Variants in GFRA2 observed in about 807,000 individuals in gnomAD.
The protein encoded by GFRA2 is GDNF family receptor alpha-2.
In GFRA2, 17 loss-of-function variants were observed where a neutral mutation model predicts 48.3. The ratio of observed to expected loss-of-function variants is 0.35; its 90% confidence interval spans 0.24 to 0.53. GFRA2 has a LOEUF of 0.53. Among genes scored for constraint, GFRA2 ranks in the 20% least tolerant of loss-of-function variants. The pLI is 0.93. For synonymous variants in GFRA2, 305 were observed against 257.2 expected (o/e 1.19, Z -1.78); for missense variants, 660 against 637.3 (o/e 1.04, Z -0.38).
intron 2 of GFRA2, among the ~76,000 whole-genome samples, chr8:21,795,415 C>T (rs1807653276): frequency 6.7e-6 from 1 of 148,956 alleles, no homozygotes; most frequent in Non-Finnish European, 1.5e-5. Flanking sequence ...TTATTTGAGA[C>T]AGAGTCTCAG....
At chr8:21,728,921 AGTTCT>A (rs1804033955) in intron 4 of GFRA2, among the ~76,000 whole-genome samples, 1 of 152,228 alleles carries the variant, frequency 6.6e-6, no homozygotes, top group Non-Finnish European at 1.5e-5. Flanking sequence ...TGGAGGGGGT[AGTTCT>A]CCTCTGCAGC....
At chr8:21,790,999 T>C (rs748812872), upstream of GFRA2, among the ~76,000 whole-genome samples, 38 of 152,082 alleles carry the variant, frequency 2.5e-4, no homozygotes, top group Non-Finnish European at 4.7e-4. Flanking sequence ...CTTCTGGTTG[T>C]CCAAATACTC....
intron 4 of GFRA2, among the ~76,000 whole-genome samples, chr8:21,744,624 G>A (rs1458121677): frequency 6.6e-6 from 1 of 151,506 alleles, no homozygotes; most frequent in Non-Finnish European, 1.5e-5. Context: ...TAAGCTGAGA[G>A]GGTAAAAACC....
intron 4 of GFRA2, among the ~76,000 whole-genome samples, chr8:21,727,707 C>T (rs1803946772): frequency 6.6e-6 from 1 of 152,192 alleles, no homozygotes; most frequent in Admixed American, 6.5e-5. Flanking sequence ...AGACGGCAGC[C>T]TCCCCGCTGG....
chr8:21,801,483 A>T (rs1410475491), intron 2 of GFRA2, among the ~76,000 whole-genome samples: 1 of 152,150 alleles, frequency 6.6e-6, no homozygotes, highest in Non-Finnish European at 1.5e-5. Flanking sequence ...TGGGCCCAGA[A>T]AATTCATGCA....
At chr8:21,748,838 C>T (rs571304369) in intron 4 of GFRA2, among the ~76,000 whole-genome samples, 5 of 152,316 alleles carry the variant, frequency 3.3e-5, no homozygotes, top group South Asian at 2.1e-4. Context: ...CCTCCCATCA[C>T]GGCCCACTCT....
Position 21,782,844 on chromosome 8 carries a change from G to T in GFRA2, c.96C>A (p.His32Gln), listed in dbSNP as rs1005334188. The stretch of plus-strand genomic sequence containing the variant: ...CACAGTCCACTGGGGGGCGCCAGCC[G>T]TGGAGCTCGGGGCCCTGCAGGGAGG... ...SPSSLQGPEL[H>Q]GWRPPVDCVR... The change falls in exon 2 of 9, where the codon CAC becomes CAA. Residue 32 changes from histidine (H) to glutamine (Q), a missense_variant. Transcript: ENST00000524240. 2 of 1,569,886 alleles carry T rather than the reference G, an allele frequency of 1.3e-6. No homozygotes were observed. The highest frequency in any genetic ancestry group is 1.7e-6 in the Non-Finnish European group (2 of 1,164,714).
chr8:21,788,127 G>A lies in GFRA2; in HGVS notation c.33C>T (p.Phe11=). The A allele has an allele frequency of 2.0e-6, 3 of 1,528,528 alleles. No homozygotes were observed. Among genetic ancestry groups the A allele is most frequent in the Non-Finnish European group, 2.7e-6 (3 of 1,128,330 alleles). The allele number at this position is 1,528,528 out of a possible 1,614,324, so 94.7% of individuals were successfully genotyped here. Reference sequence around the variant, plus strand: ...CCGCCCGCAGGTACTCACCTAGAAAGAAGAAGAGGCAGAAGACGTTTGCCA... The same window carrying A: ...CCGCCCGCAGGTACTCACCTAGAAAAAAGAAGAGGCAGAAGACGTTTGCCA... MILANVFCLF[F]FLDETLRSLA... Residue 11 remains phenylalanine (F), a synonymous_variant, in exon 1 of 9, where the codon TTC becomes TTT. Transcript: ENST00000524240.
Position 21,691,015 on chromosome 8 carries a change from G to C in GFRA2, c.*2263C>G, listed in dbSNP as rs1467422391. ...ACTGTACCCCTTCCATGCAGAGGCTGGAAGGCAATACACCACAGTGATAAA... is the reference window on the plus strand; with the variant it reads ...ACTGTACCCCTTCCATGCAGAGGCTCGAAGGCAATACACCACAGTGATAAA... On this transcript the variant is annotated 3_prime_UTR_variant, in exon 9 of 9. Transcript: ENST00000524240. 6.6e-6 allele frequency: 1 copy of C among 152,190 alleles called. No individual in the cohort carries two copies. Among genetic ancestry groups the C allele is most frequent in the African/African-American group, 2.4e-5 (1 of 41,432 alleles). The allele number at this position is 152,190 out of a possible 1,614,324, so 9.4% of individuals were successfully genotyped here. A position where few individuals can be genotyped will look rare whatever the true frequency, so the allele number is the denominator to read the frequency against.
At chr8:21,754,834 G>T (rs562990287) in intron 3 of GFRA2, among the ~76,000 whole-genome samples, 2 of 152,242 alleles carry the variant, frequency 1.3e-5, no homozygotes, top group Non-Finnish European at 2.9e-5. Flanking sequence ...AAGGCAGAAA[G>T]AGAAAAGTGC....
In GFRA2 at chr8:21,698,307, G is replaced by A. The variant is rs545741635; in HGVS notation, c.1219-3790C>T. ...CATCAAAGAACTGGCCCTTGCAGAT[G>A]GCACTGGGGGAAGGACGCAGAAAGA... On this transcript the variant is annotated intron_variant, in intron 7 of 8. Transcript: ENST00000524240. Among the ~76,000 whole-genome samples the A allele has an allele frequency of 2.6e-5, 4 of 152,216 alleles. No homozygotes were observed. The East Asian group carries it at 7.7e-4, about 29-fold the overall frequency.
At chr8:21,694,071 T>TATATATATATATA (rs1563209393) in intron 8 of GFRA2, among the ~76,000 whole-genome samples, 33 of 71,072 alleles carry the variant, frequency 4.6e-4, no homozygotes, top group African/African-American at 1.7e-3. Flanking sequence ...ATATATTTAT[T>TATATATATATATA]TATTTTTATA....
intron 3 of GFRA2, among the ~76,000 whole-genome samples, chr8:21,758,093 G>A (rs918872926): frequency 5.3e-5 from 8 of 151,834 alleles, no homozygotes; most frequent in Non-Finnish European, 7.4e-5. Flanking sequence ...GGAGCTCTGC[G>A]GCTGGCACCT....
chr8:21,797,201 T>C (rs947265207), intron 2 of GFRA2, among the ~76,000 whole-genome samples: 1 of 151,976 alleles, frequency 6.6e-6, no homozygotes, highest in Non-Finnish European at 1.5e-5. Flanking sequence ...AGTGACAGGA[T>C]CTTGTTTGAC....
At chr8:21,708,183 C>T (rs1166634058) in intron 4 of GFRA2, among the ~76,000 whole-genome samples, 2 of 152,242 alleles carry the variant, frequency 1.3e-5, no homozygotes, top group Non-Finnish European at 2.9e-5. Context: ...CAATGTCTTC[C>T]ACAGGAAACG....
chr8:21,704,649 T>C (rs1211921572), intron 6 of GFRA2, among the ~76,000 whole-genome samples: 1 of 152,062 alleles, frequency 6.6e-6, no homozygotes, highest in Non-Finnish European at 1.5e-5. Flanking sequence ...GGAAATAAAC[T>C]CGTTAAAGGG....
chr8:21,788,177 G>A lies in GFRA2; in HGVS notation c.-18C>T. 1 of 1,593,614 alleles carries A rather than the reference G, an allele frequency of 6.3e-7. No homozygotes were observed. The highest frequency in any genetic ancestry group is 1.4e-5 in the African/African-American group (1 of 73,672). Reference sequence around the variant, plus strand: ...AAGATCATGTTAAATAAATCCCACCGTTTTTTTGTCTTTCTCCCTTGGGTA... The same window carrying A: ...AAGATCATGTTAAATAAATCCCACCATTTTTTTGTCTTTCTCCCTTGGGTA... On this transcript the variant is annotated 5_prime_UTR_variant, in exon 1 of 9. In the 5' UTR this introduces an upstream ATG that the reference lacks. Coordinates refer to ENST00000524240, the MANE Select transcript of GFRA2 (RefSeq NM_001495.5).
At chr8:21,731,338 G>A (rs1460223915) in intron 4 of GFRA2, among the ~76,000 whole-genome samples, 1 of 152,158 alleles carries the variant, frequency 6.6e-6, no homozygotes, top group African/African-American at 2.4e-5. Context: ...AGCTGAGAAC[G>A]ATGAGGATGT....
intron 4 of GFRA2, among the ~76,000 whole-genome samples, chr8:21,743,057 G>A (rs965471448): frequency 6.6e-6 from 1 of 152,194 alleles, no homozygotes; most frequent in Non-Finnish European, 1.5e-5. Flanking sequence ...CAGTATTCCA[G>A]CCTTGTCTCA....
Sources: gnomAD v4.1 joint callset for allele counts (sites outside exome capture counted in the v4.1 genomes callset) on GRCh38, gnomAD v4.1.1 for gene constraint, MANE v1.5 for transcripts, NCBI Gene and HGNC (gene_info 2026-07-23, HGNC 2026-07-21) for gene names.